The following ASCC1 variants were observed in gnomAD, a reference collection of about 807,000 sequenced individuals.
ASCC1 encodes the protein activating signal cointegrator 1 complex subunit 1.
A neutral mutation model predicts 46.6 loss-of-function variants in ASCC1; 35 were observed. The ratio of observed to expected loss-of-function variants is 0.75; its 90% confidence interval spans 0.57 to 0.99. The LOEUF (loss-of-function observed/expected upper bound fraction) is 0.99, where lower values mean the gene tolerates loss of function less well. Among genes scored for constraint, ASCC1 ranks in the 50% least tolerant of loss-of-function variants. The probability of loss-of-function intolerance (pLI) is 0.00; values close to 1 mark genes in which losing one functional copy is unlikely to be tolerated. For missense variants in ASCC1, 376 were observed against 428.7 expected (o/e 0.88, Z 1.09); for synonymous variants, 143 against 146.6 (o/e 0.98, Z 0.18).
rs182855532 is a variant in ASCC1 at position 72,204,795 on chromosome 10, T to C, written c.213-1271A>G. ...ATTTCCAAGTGGTTTTCCTGTGTGT[T>C]GGGATAGAGATTGTAGGGCACCAAA... On this transcript the variant is annotated intron_variant, in intron 3 of 9. Transcript: ENST00000672957. Among the ~76,000 whole-genome samples the C allele has an allele frequency of 3.3e-3, 501 of 152,288 alleles. 5 individuals are homozygous for C. The highest frequency in any genetic ancestry group is 0.012 in the African/African-American group (481 of 41,540).
At chr10:72,167,362 C>T (rs73274932) in intron 5 of ASCC1, among the ~76,000 whole-genome samples, 2,569 of 152,206 alleles carry the variant, frequency 0.017, 86 homozygotes, top group African/African-American at 0.059. Context: ...CAAAAGACTA[C>T]GTATTATATG....
Position 72,151,570 on chromosome 10 carries a change from T to C in ASCC1, c.746+1299A>G, listed in dbSNP as rs554937605. Among the ~76,000 whole-genome samples the C allele has an allele frequency of 9.2e-4, 140 of 152,304 alleles. 2 individuals carry two copies. Among genetic ancestry groups the C allele is most frequent in the African/African-American group, 3.2e-3 (134 of 41,566 alleles). The stretch of plus-strand genomic sequence containing the variant: ...GTAACAAACCTGAACATTGTGCACA[T>C]GTACCCTAGAACTTAAAGTATAATA... On this transcript the variant is annotated intron_variant, in intron 7 of 9. Coordinates refer to ENST00000672957, the MANE Select transcript of ASCC1 (RefSeq NM_001198800.3).
At chr10:72,174,966 A>G (rs1207630422) in intron 5 of ASCC1, among the ~76,000 whole-genome samples, 4 of 152,216 alleles carry the variant, frequency 2.6e-5, no homozygotes, top group Non-Finnish European at 4.4e-5. Flanking sequence ...CTGATATTCT[A>G]TGCAAAGAAA....
intron 5 of ASCC1, among the ~76,000 whole-genome samples, chr10:72,170,964 A>AC (rs113349989): frequency 1.4e-3 from 207 of 151,612 alleles, no homozygotes; most frequent in African/African-American, 2.3e-3. Flanking sequence ...GCAAGATCCC[A>AC]CCCCCCCCAA....
chr10:72,113,451 T>C (rs1161116599), intron 9 of ASCC1, among the ~76,000 whole-genome samples: 1 of 152,264 alleles, frequency 6.6e-6, no homozygotes, highest in Non-Finnish European at 1.5e-5. Context: ...AGTCAATTTC[T>C]TGTTTTGCAG....
chr10:72,145,510 C>T (rs1847523493), intron 7 of ASCC1, among the ~76,000 whole-genome samples: 2 of 150,272 alleles, frequency 1.3e-5, no homozygotes, highest in South Asian at 4.3e-4. Context: ...AGTTTAACAT[C>T]AATTCCTTAG....
At chr10:72,161,752 A>C in intron 5 of ASCC1, 78 bp from the exon 6 acceptor site, 1 of 1,556,714 alleles carries the variant, frequency 6.4e-7, no homozygotes, top group Non-Finnish European at 8.8e-7. Context: ...GTCCCCAAAA[A>C]TAAACCCACA....
intron 6 of ASCC1, among the ~76,000 whole-genome samples, chr10:72,156,435 T>C (rs181201860): frequency 6.6e-6 from 1 of 152,332 alleles, no homozygotes; most frequent in East Asian, 1.9e-4. Flanking sequence ...CATGCTATAT[T>C]GTCATTAAGT....
At position 72,140,686 on chromosome 10, in the gene ASCC1, G is replaced by C. The variant is rs144928385; in HGVS notation, c.747-7505C>G. 6.8e-3 allele frequency among the ~76,000 whole-genome samples: 1,032 copies of C among 152,234 alleles called. 9 individuals carry two copies. Among genetic ancestry groups the C allele is most frequent in the African/African-American group, 0.024 (978 of 41,540 alleles). On this transcript the variant is annotated intron_variant, in intron 7 of 9. Coordinates refer to ENST00000672957, the MANE Select transcript of ASCC1 (RefSeq NM_001198800.3). ...TCAAGAGTTGGAGGAGGGGGAAAAG[G>C]AACTGTTTAATTTTCACTTCACCCA... is the stretch of plus-strand genomic sequence containing the variant.
intron 5 of ASCC1, among the ~76,000 whole-genome samples, chr10:72,168,684 TG>T (rs1850681146): frequency 6.6e-6 from 1 of 152,124 alleles, no homozygotes; most frequent in East Asian, 1.9e-4. Context: ...GCCATAAGGG[TG>T]GGGTCCTAAT....
intron 3 of ASCC1, chr10:72,204,615 C>T: frequency 7.2e-7 from 1 of 1,381,894 alleles, no homozygotes; most frequent in East Asian, 2.5e-5. Context: ...ACCTCTATGA[C>T]TTCAATTACA....
intron 5 of ASCC1, among the ~76,000 whole-genome samples, chr10:72,164,142 T>C (rs866393199): frequency 6.6e-6 from 1 of 152,002 alleles, no homozygotes; most frequent in Non-Finnish European, 1.5e-5. Context: ...TTTTGATTTT[T>C]TGTAGACAGG....
At position 72,127,142 on chromosome 10, in the gene ASCC1, G is replaced by A. The variant is rs111359413; in HGVS notation, c.957+940C>T. 9.4e-4 allele frequency among the ~76,000 whole-genome samples: 143 copies of A among 152,312 alleles called. 2 individuals are homozygous for A. The highest frequency in any genetic ancestry group is 3.2e-3 in the African/African-American group (134 of 41,562). On this transcript the variant is annotated intron_variant, in intron 9 of 9. Transcript: ENST00000672957. ...TTCTAAAGCTAAAGCCTATTCTGAC[G>A]TTATCATATACTCCCTCCTCCACCT...
chr10:72,213,168 A>G lies in ASCC1; in HGVS notation c.112+19T>C. ...AGGACATTTTACTTCTTATCTGACC[A>G]AAGAGCAACTAGGATTACCTTGATA... On this transcript the variant is annotated intron_variant, in intron 2 of 9. Coordinates refer to ENST00000672957, the MANE Select transcript of ASCC1 (RefSeq NM_001198800.3). The G allele has an allele frequency of 1.3e-6, 2 of 1,552,034 alleles. No homozygotes were observed. Among genetic ancestry groups the G allele is most frequent in the South Asian group, 1.1e-5 (1 of 89,832 alleles).
intron 2 of ASCC1, among the ~76,000 whole-genome samples, chr10:72,212,986 C>T (rs1303426884): frequency 6.6e-6 from 1 of 152,084 alleles, no homozygotes; most frequent in Non-Finnish European, 1.5e-5. Flanking sequence ...AGAAACATAA[C>T]TTATAAATTG....
intron 5 of ASCC1, among the ~76,000 whole-genome samples, chr10:72,188,552 T>G (rs7905905): frequency 0.14 from 21,614 of 151,896 alleles, 4,399 homozygotes; most frequent in African/African-American, 0.45. Context: ...GGAAGGGAAG[T>G]AAGGAAGGAA....
intron 9 of ASCC1, among the ~76,000 whole-genome samples, chr10:72,108,366 C>T (rs1359938414): frequency 1.3e-5 from 2 of 152,112 alleles, no homozygotes; most frequent in Non-Finnish European, 1.5e-5. Flanking sequence ...CGTGAGCCAC[C>T]ATGCCAGGTC....
rs769501930 is a variant in ASCC1, at chr10:72,161,581, G to A, written c.583C>T (p.Gln195Ter). The A allele has an allele frequency of 6.8e-6, 11 of 1,614,040 alleles. No homozygotes were observed. The South Asian group carries it at 9.9e-5, about 14-fold the overall frequency. Residue 195 changes from glutamine (Q) to a stop codon, truncating the protein, a stop_gained, in exon 6 of 10, where the codon CAG becomes TAG. Transcript: ENST00000672957. LOFTEE classifies it high-confidence loss of function. ...LVLLSEEEIQ[Q>*]TCEMLQQCKE... ...CACTGCTGTAGCATCTCACATGTCT[G>A]CTGGATCTCTTCCTCACTCAAAAGC...
chr10:72,173,233 G>T (rs1851458207), intron 5 of ASCC1, among the ~76,000 whole-genome samples: 1 of 151,924 alleles, frequency 6.6e-6, no homozygotes, highest in Non-Finnish European at 1.5e-5. Flanking sequence ...CAGTCACTTT[G>T]ATATTCCATT....
Sources: allele counts gnomAD v4.1 joint callset (sites outside exome capture counted in the v4.1 genomes callset), GRCh38; gene constraint gnomAD v4.1.1; transcripts MANE v1.5; gene names NCBI Gene and HGNC (gene_info 2026-07-23, HGNC 2026-07-21).